The following PPP4R1 variants were observed in gnomAD, a reference collection of about 807,000 sequenced individuals.
PPP4R1 encodes protein phosphatase 4 regulatory subunit 1.
PPP4R1 carries 42 observed loss-of-function variants against 111.2 expected under a neutral mutation model. That is an observed-to-expected ratio of 0.38 (90% confidence interval 0.29 to 0.49). The LOEUF is 0.49. Among genes scored for constraint, PPP4R1 ranks in the 20% least tolerant of loss-of-function variants. The pLI is 0.97. For missense variants in PPP4R1, 1,012 were observed against 1,161.6 expected (o/e 0.87, Z 1.87); for synonymous variants, 409 against 405.5 (o/e 1.01, Z -0.10).
At chr18:9,579,802 G>A (rs113701601) in intron 9 of PPP4R1, among the ~76,000 whole-genome samples, 4 of 152,148 alleles carry the variant, frequency 2.6e-5, no homozygotes, top group Non-Finnish European at 5.9e-5. Context: ...CAGTGTACAG[G>A]AGGATGTGCA....
rs939756118 is a variant in PPP4R1 at position 9,614,337 on chromosome 18, G to A, written c.8-67C>T. The A allele has an allele frequency of 1.6e-6, 1 of 614,800 alleles. No individual in the cohort carries two copies. Among genetic ancestry groups the A allele is most frequent in the Non-Finnish European group, 2.0e-6 (1 of 504,666 alleles). The allele number at this position is 614,800 out of a possible 1,614,324, so 38.1% of individuals were successfully genotyped here. ...GGGCCCGGCGCGACGCCCCCCCCCC[G>A]CCCGCCTCCCCCCCGCCCCGGGGGC... On this transcript the variant is annotated intron_variant, in intron 1 of 19. Transcript: ENST00000400556. The surrounding 1 kb of genome is among the most constrained non-coding windows in gnomAD (Gnocchi z 4.1).
chr18:9,548,083 C>T, intron 19 of PPP4R1, 131 bp from the exon 20 acceptor site: 1 of 881,550 alleles, frequency 1.1e-6, no homozygotes, highest in Non-Finnish European at 1.7e-6. Flanking sequence ...GAAACATAAA[C>T]AGTAATCCAA....
At chr18:9,597,221 GAGAA>G (rs960307154) in intron 2 of PPP4R1, among the ~76,000 whole-genome samples, 26 of 152,202 alleles carry the variant, frequency 1.7e-4, no homozygotes, top group Non-Finnish European at 2.8e-4. Context: ...AGTGATCTCT[GAGAA>G]AGAGAGGACA....
chr18:9,587,406 T>G (rs1244982713), intron 6 of PPP4R1: 7 of 142,476 alleles, frequency 4.9e-5, no homozygotes, highest in African/African-American at 1.7e-4. Flanking sequence ...TTTTTTTTTT[T>G]TGTTTTGTTT....
intron 18 of PPP4R1, 187 bp downstream of exon 18, chr18:9,549,865 G>A: frequency 1.2e-6 from 1 of 800,978 alleles, no homozygotes; most frequent in Non-Finnish European, 1.9e-6. Context: ...GGAGGGGCTT[G>A]GCTAGCTGGG....
rs186014852 is a variant in PPP4R1 at position 9,555,937 on chromosome 18, C to T, written c.2190+1284G>A. On this transcript the variant is annotated intron_variant, in intron 15 of 19. Coordinates refer to ENST00000400556, the MANE Select transcript of PPP4R1 (RefSeq NM_001042388.3). Reference sequence around the variant, plus strand: ...GGATCACAAGATCAGGAGATCAAGACCATCCTGGCCAACACGGTGAAACCC... The same window carrying T: ...GGATCACAAGATCAGGAGATCAAGATCATCCTGGCCAACACGGTGAAACCC... Among the ~76,000 whole-genome samples the T allele has an allele frequency of 2.6e-5, 4 of 151,836 alleles. No homozygotes were observed. In the South Asian group the frequency reaches 6.3e-4, roughly 24 times the overall value.
chr18:9,594,831 T>G, intron 3 of PPP4R1, 187 bp downstream of exon 3: 1 of 563,354 alleles, frequency 1.8e-6, no homozygotes, highest in Non-Finnish European at 2.8e-6. Flanking sequence ...AAGCATGTTG[T>G]ATGCTTACTA....
At chr18:9,605,610 GAATC>G (rs2067468517) in intron 2 of PPP4R1, among the ~76,000 whole-genome samples, 1 of 120,768 alleles carries the variant, frequency 8.3e-6, no homozygotes, top group Non-Finnish European at 1.8e-5. Flanking sequence ...AGAATAACCT[GAATC>G]AAATCATGAG....
intron 2 of PPP4R1, among the ~76,000 whole-genome samples, chr18:9,606,496 G>T (rs758432801): frequency 6.6e-6 from 1 of 152,106 alleles, no homozygotes; most frequent in Non-Finnish European, 1.5e-5. Context: ...CCAGCAACAG[G>T]TATGTCAAAC....
chr18:9,594,468 A>C (rs1220083757), intron 3 of PPP4R1, among the ~76,000 whole-genome samples: 1 of 152,160 alleles, frequency 6.6e-6, no homozygotes, highest in Non-Finnish European at 1.5e-5. Flanking sequence ...ACAATGAAAA[A>C]ACACACTCAT....
At position 9,583,269 on chromosome 18, in the gene PPP4R1, TG is replaced by T; in HGVS notation, c.765del (p.Arg256AspfsTer44). The stretch of plus-strand genomic sequence containing the variant: ...TTATCAGAACAAAGCTGGAAAAATC[TG>T]GGCAGCTATGTGAAAAGGAAAGAGT... ...GQQATEEMLLPRFFQLCSDNV... is the reference protein window; with the variant it reads ...GQQATEEMLLXRFFQLCSDNV... On this transcript the variant is annotated frameshift_variant, in exon 9 of 20. Transcript: ENST00000400556. LOFTEE classifies it high-confidence loss of function. 1 of 1,561,408 alleles carries T rather than the reference TG, an allele frequency of 6.4e-7. No individual in the cohort carries two copies. Among genetic ancestry groups the T allele is most frequent in the South Asian group, 1.2e-5 (1 of 84,286 alleles).
intron 15 of PPP4R1, among the ~76,000 whole-genome samples, chr18:9,555,871 T>C (rs566840879): frequency 5.9e-5 from 9 of 151,994 alleles, no homozygotes; most frequent in African/African-American, 9.7e-5. Context: ...GCATGGTGGC[T>C]CACGCCTGTA....
At chr18:9,568,449 T>C (rs12960385) in intron 11 of PPP4R1, among the ~76,000 whole-genome samples, 143 of 152,352 alleles carry the variant, frequency 9.4e-4, no homozygotes, top group Admixed American at 1.8e-3. Flanking sequence ...AGTCTCTCAA[T>C]TGCAGCTAGT....
intron 9 of PPP4R1, 83 bp downstream of exon 9, chr18:9,583,034 T>C: frequency 8.2e-7 from 1 of 1,212,708 alleles, no homozygotes; most frequent in Non-Finnish European, 1.1e-6. Flanking sequence ...AATTATAAGT[T>C]ATTTCTTATG....
chr18:9,584,210 T>C lies in PPP4R1; in HGVS notation c.759+305A>G, dbSNP rs1314738356. Among the ~76,000 whole-genome samples, 5 of 152,350 alleles carry C rather than the reference T, an allele frequency of 3.3e-5. No homozygotes were observed. The South Asian group carries it at 1.0e-3, about 32-fold the overall frequency. On this transcript the variant is annotated intron_variant, in intron 8 of 19. Coordinates refer to ENST00000400556, the MANE Select transcript of PPP4R1 (RefSeq NM_001042388.3). ...CTATAGATTTAATATGTCATCAACA[T>C]TCTTGAGGGTTGCAATAAAATTAAA...
chr18:9,570,837 A>C (rs1347550124), intron 10 of PPP4R1, among the ~76,000 whole-genome samples, 154 bp from the exon 11 acceptor site: 1 of 152,238 alleles, frequency 6.6e-6, no homozygotes, highest in Non-Finnish European at 1.5e-5. Context: ...ATTATTTATA[A>C]TGCTTCTTTC....
chr18:9,560,741 C>T (rs1385805589), intron 13 of PPP4R1, among the ~76,000 whole-genome samples: 1 of 152,002 alleles, frequency 6.6e-6, no homozygotes, highest in African/African-American at 2.4e-5. Flanking sequence ...ATCTGTAGTC[C>T]CAGCTACTTG....
At chr18:9,576,029 C>G (rs1422709793) in intron 10 of PPP4R1, among the ~76,000 whole-genome samples, 2 of 152,164 alleles carry the variant, frequency 1.3e-5, no homozygotes, top group African/African-American at 2.4e-5. Flanking sequence ...ACAGACTTTG[C>G]TTGCTAGGAA....
chr18:9,551,136 A>C (rs752884324), intron 16 of PPP4R1: 5 of 152,362 alleles, frequency 3.3e-5, no homozygotes, highest in Non-Finnish European at 7.3e-5. Context: ...CAAAATTCAA[A>C]ATAAAAATTC....
Sources: gnomAD v4.1 joint callset for allele counts (sites outside exome capture counted in the v4.1 genomes callset) on GRCh38, gnomAD v4.1.1 for gene constraint, Gnocchi (gnomAD v3.1) non-coding constraint, MANE v1.5 for transcripts, NCBI Gene and HGNC (gene_info 2026-07-23, HGNC 2026-07-21) for gene names.